Variants in LMBR1 observed in about 807,000 individuals in gnomAD.
The protein encoded by LMBR1 is limb region 1 protein homolog.
LMBR1 carries 52 observed loss-of-function variants against 73.9 expected under a neutral mutation model. That is an observed-to-expected ratio of 0.70 (90% confidence interval 0.56 to 0.89). The LOEUF (loss-of-function observed/expected upper bound fraction) is 0.89, where lower values mean the gene tolerates loss of function less well. Among genes scored for constraint, LMBR1 ranks in the 40% least tolerant of loss-of-function variants. The probability of loss-of-function intolerance (pLI) is 0.00; values close to 1 mark genes in which losing one functional copy is unlikely to be tolerated. For synonymous variants in LMBR1, 215 were observed against 209.4 expected (o/e 1.03, Z -0.23); for missense variants, 539 against 579.8 (o/e 0.93, Z 0.72).
intron 5 of LMBR1, among the ~76,000 whole-genome samples, chr7:156,767,122 T>C (rs530285389): frequency 2.0e-5 from 3 of 152,050 alleles, no homozygotes; most frequent in Non-Finnish European, 4.4e-5. Flanking sequence ...AAAAAGATGA[T>C]GGGGTAAAGT....
chr7:156,823,280 T>C (rs1039813948), intron 4 of LMBR1: 1 of 151,960 alleles, frequency 6.6e-6, no homozygotes, highest in Admixed American at 6.6e-5. Context: ...ATGGAAAAGA[T>C]TTTAAAGATA....
chr7:156,799,827 A>G (rs1830637609), intron 4 of LMBR1, among the ~76,000 whole-genome samples: 1 of 152,262 alleles, frequency 6.6e-6, no homozygotes, highest in Non-Finnish European at 1.5e-5. Context: ...ACTCCAGTGA[A>G]CACACAAATG....
intron 4 of LMBR1, among the ~76,000 whole-genome samples, chr7:156,821,262 C>T (rs143105969): frequency 4.6e-5 from 7 of 152,306 alleles, no homozygotes; most frequent in Admixed American, 2.6e-4. Context: ...ACTCCCGCTA[C>T]GCTGCCTTCT....
chr7:156,720,017 G>T (rs1814174892), intron 15 of LMBR1, among the ~76,000 whole-genome samples: 1 of 151,640 alleles, frequency 6.6e-6, no homozygotes, highest in Admixed American at 6.6e-5. Flanking sequence ...AGAAAACCTA[G>T]GCATTACCAT....
chr7:156,719,617 T>C (rs1814060463), intron 15 of LMBR1, among the ~76,000 whole-genome samples: 2 of 152,002 alleles, frequency 1.3e-5, no homozygotes, highest in African/African-American at 4.8e-5. Context: ...AAAGTTCATA[T>C]GGAACCAAAA....
chr7:156,717,072 G>A (rs1014851552), intron 15 of LMBR1, among the ~76,000 whole-genome samples: 1 of 152,188 alleles, frequency 6.6e-6, no homozygotes, highest in Non-Finnish European at 1.5e-5. Flanking sequence ...CCAGAAGGTG[G>A]AGGCTGCAGT....
intron 9 of LMBR1, among the ~76,000 whole-genome samples, chr7:156,745,429 C>T (rs971194799): frequency 1.1e-4 from 17 of 152,202 alleles, no homozygotes; most frequent in African/African-American, 3.9e-4. Context: ...GACACTCCCT[C>T]AAACAGTGAC....
At chr7:156,759,592 A>C (rs1822585719) in intron 8 of LMBR1, among the ~76,000 whole-genome samples, 1 of 152,244 alleles carries the variant, frequency 6.6e-6, no homozygotes, top group Non-Finnish European at 1.5e-5. Context: ...ACACTCAATT[A>C]CTCAATAAAT....
intron 15 of LMBR1, among the ~76,000 whole-genome samples, chr7:156,711,473 T>C (rs957943199): frequency 7.9e-5 from 12 of 152,086 alleles, no homozygotes; most frequent in African/African-American, 2.7e-4. Context: ...AAAATACCAA[T>C]GTTATTTTTC....
chr7:156,830,123 A>T (rs1836418122), intron 3 of LMBR1, among the ~76,000 whole-genome samples: 1 of 152,212 alleles, frequency 6.6e-6, no homozygotes, highest in African/African-American at 2.4e-5. Flanking sequence ...ATTGATAAGC[A>T]CTACTTCCTT....
intron 15 of LMBR1, among the ~76,000 whole-genome samples, chr7:156,723,092 A>G (rs1286694801): frequency 6.6e-6 from 1 of 152,160 alleles, no homozygotes; most frequent in South Asian, 2.1e-4. Flanking sequence ...AAAAGAAATA[A>G]GACTATTACA....
chr7:156,803,703 T>C (rs1325573230), intron 4 of LMBR1, among the ~76,000 whole-genome samples: 2 of 152,008 alleles, frequency 1.3e-5, no homozygotes, highest in Non-Finnish European at 2.9e-5. Context: ...CGTATGTTTA[T>C]TGTGGCACTA....
chr7:156,716,696 T>A (rs1344378850), intron 15 of LMBR1, among the ~76,000 whole-genome samples: 1 of 152,230 alleles, frequency 6.6e-6, no homozygotes, highest in Non-Finnish European at 1.5e-5. Context: ...TAAAAGGACA[T>A]CCGCTTAGAA....
intron 9 of LMBR1, among the ~76,000 whole-genome samples, chr7:156,747,427 C>A (rs1820048604): frequency 6.6e-6 from 1 of 152,078 alleles, no homozygotes; most frequent in Non-Finnish European, 1.5e-5. Context: ...CTAAGCTGTC[C>A]TTACAACTTT....
intron 1 of LMBR1, among the ~76,000 whole-genome samples, chr7:156,880,264 G>A (rs1469521822): frequency 1.3e-5 from 2 of 152,132 alleles, no homozygotes; most frequent in East Asian, 1.9e-4. Flanking sequence ...ACCAAACATC[G>A]CATGTTCTCA....
At chr7:156,675,972 G>C, downstream of LMBR1, 1 of 1,167,804 alleles carries the variant, frequency 8.6e-7, no homozygotes, top group Non-Finnish European at 1.2e-6. Flanking sequence ...GAGCCTAGGA[G>C]TGTCAGGCCC....
chr7:156,698,830 C>A (rs979001734), intron 15 of LMBR1, among the ~76,000 whole-genome samples: 1 of 152,160 alleles, frequency 6.6e-6, no homozygotes, highest in East Asian at 1.9e-4. Context: ...ACATTCAGCT[C>A]CTCATTACTT....
chr7:156,826,548 T>C (rs2133818939), intron 4 of LMBR1, 57 bp downstream of exon 4: 1 of 1,115,284 alleles, frequency 9.0e-7, no homozygotes, highest in East Asian at 3.0e-5. Flanking sequence ...TCTAAAAATA[T>C]GGTGCAGTAA....
chr7:156,855,817 C>G (rs978121589), intron 1 of LMBR1, among the ~76,000 whole-genome samples: 1 of 152,126 alleles, frequency 6.6e-6, no homozygotes, highest in Non-Finnish European at 1.5e-5. Context: ...CATCAGACTT[C>G]TCTTCAGAAA....
Sources: allele counts gnomAD v4.1 joint callset (sites outside exome capture counted in the v4.1 genomes callset), GRCh38; gene constraint gnomAD v4.1.1; transcripts MANE v1.5; gene names NCBI Gene and HGNC (gene_info 2026-07-23, HGNC 2026-07-21).